TMEM268: variants seen among roughly 807,000 people sequenced by gnomAD.
TMEM268 encodes the protein transmembrane protein C9orf91.
TMEM268 carries 24 observed loss-of-function variants against 39.1 expected under a neutral mutation model. The observed-to-expected ratio is 0.61, with a 90% CI of 0.44 to 0.86. The LOEUF is 0.86. Ranked by LOEUF, TMEM268 falls within the 40% of genes least tolerant of loss-of-function variation. The pLI, the probability that TMEM268 is intolerant of heterozygous loss-of-function variation, is 0.00. For missense variants in TMEM268, 409 were observed against 428.6 expected (o/e 0.95, Z 0.40); for synonymous variants, 176 against 173.5 (o/e 1.01, Z -0.12).
At position 114,643,365 on chromosome 9, in the gene TMEM268, T is replaced by G. The variant is rs41278673; in HGVS notation, c.*52T>G. On this transcript the variant is annotated 3_prime_UTR_variant, in exon 9 of 9. Transcript: ENST00000288502. ...TTCAAGACTGAGCAGTCAGGAAGGC[T>G]TCAGGAGCCCAAGATGGCCAATGGG... 231,539 of 1,563,512 alleles carry G rather than the reference T, an allele frequency of 0.15. 18,556 individuals are homozygous for G. Among genetic ancestry groups the G allele is most frequent in the Middle Eastern group, 0.26 (1,529 of 5,912 alleles).
In TMEM268 at chr9:114,624,337, G is replaced by A. The variant is rs1234177771; in HGVS notation, c.107-13G>A. 1 of 1,587,026 alleles carries A rather than the reference G, an allele frequency of 6.3e-7. No individual in the cohort carries two copies. The highest frequency in any genetic ancestry group is 8.6e-7 in the Non-Finnish European group (1 of 1,164,964). The stretch of plus-strand genomic sequence containing the variant: ...TATCACTCAGCCAGATGAAGCTTCT[G>A]GTCTGCTTCCAGAGCTCCACAATGG... On this transcript the variant is annotated splice_polypyrimidine_tract_variant and intron_variant, in intron 2 of 8. Transcript: ENST00000288502.
At chr9:114,643,075 G>A in intron 8 of TMEM268, 59 bp from the exon 9 acceptor site, 1 of 1,567,228 alleles carries the variant, frequency 6.4e-7, no homozygotes, top group Non-Finnish European at 8.8e-7. Context: ...TGGTGCCTAA[G>A]CCCTTTTTCC....
At position 114,638,645 on chromosome 9, in the gene TMEM268, C is replaced by G; in HGVS notation, c.768C>G (p.Leu256=). 1 of 1,610,358 alleles carries G rather than the reference C, an allele frequency of 6.2e-7. No individual in the cohort carries two copies. The highest frequency in any genetic ancestry group is 1.3e-5 in the African/African-American group (1 of 74,818). The change falls in exon 8 of 9, where the codon CTC becomes CTG. Residue 256 remains leucine (L), a synonymous_variant. Coordinates refer to ENST00000288502, the MANE Select transcript of TMEM268 (RefSeq NM_153045.4). ...CTGAGAACTTGGAGGATGCTCCTCT[C>G]CTGCCCGGCAATTCTTGTCCTAACG... is the stretch of plus-strand genomic sequence containing the variant. ...EGPENLEDAP[L]LPGNSCPNER... is the part of the protein sequence containing the mutation.
chr9:114,628,084 T>C lies in TMEM268; in HGVS notation c.325-17T>C, dbSNP rs1489249369. 3 of 1,611,124 alleles carry C rather than the reference T, an allele frequency of 1.9e-6. No individual in the cohort carries two copies. Among genetic ancestry groups the C allele is most frequent in the Non-Finnish European group, 2.5e-6 (3 of 1,177,320 alleles). Reference sequence around the variant, plus strand: ...GACTGAAGTTCCTGACCATGCTCTCTGTCTGGCATCTTGCAGGTTTTCTAT... The same window carrying C: ...GACTGAAGTTCCTGACCATGCTCTCCGTCTGGCATCTTGCAGGTTTTCTAT... On this transcript the variant is annotated splice_polypyrimidine_tract_variant and intron_variant, in intron 4 of 8. Coordinates refer to ENST00000288502, the MANE Select transcript of TMEM268 (RefSeq NM_153045.4).
upstream of TMEM268, among the ~76,000 whole-genome samples, chr9:114,609,746 AG>A (rs1564279463): frequency 2.2e-5 from 1 of 45,132 alleles, no homozygotes; most frequent in African/African-American, 9.7e-5. Context: ...AAGGAAGGAA[AG>A]AAAGAAAGAA....
intron 2 of TMEM268, among the ~76,000 whole-genome samples, chr9:114,619,271 CT>C (rs1010480029): frequency 6.8e-6 from 1 of 146,648 alleles, no homozygotes; most frequent in African/African-American, 2.6e-5. Context: ...CTGCTTCCCC[CT>C]CTGCGCGTGC....
intron 5 of TMEM268, 129 bp from the exon 6 acceptor site, chr9:114,633,639 G>A (rs1201945530): frequency 2.1e-6 from 1 of 479,694 alleles, no homozygotes; most frequent in Non-Finnish European, 3.7e-6. Context: ...GGGAGGAAAT[G>A]GGACAGTCCT....
chr9:114,612,695 C>T (rs927625618), intron 1 of TMEM268, among the ~76,000 whole-genome samples: 1 of 152,182 alleles, frequency 6.6e-6, no homozygotes, highest in African/African-American at 2.4e-5. Flanking sequence ...TCCACCTTTG[C>T]CAAGCCCAGG....
Position 114,645,430 on chromosome 9 carries a change from C to G in TMEM268, c.*2117C>G, listed in dbSNP as rs906920312. The G allele has an allele frequency of 1.3e-5, 2 of 152,376 alleles. No homozygotes were observed. Among genetic ancestry groups the G allele is most frequent in the Non-Finnish European group, 2.9e-5 (2 of 68,058 alleles). 9.4% of individuals were successfully genotyped at this position (152,376 alleles called of 1,614,324 possible). A position where few individuals can be genotyped will look rare whatever the true frequency, so the allele number is the denominator to read the frequency against. ...GTGGCTTGCCATTCAAGAGATGAGTCTGACCATTCACTTTCTGTGTGCCAG... is the reference window on the plus strand; with the variant it reads ...GTGGCTTGCCATTCAAGAGATGAGTGTGACCATTCACTTTCTGTGTGCCAG... On this transcript the variant is annotated 3_prime_UTR_variant, in exon 9 of 9. Coordinates refer to ENST00000288502, the MANE Select transcript of TMEM268 (RefSeq NM_153045.4).
At chr9:114,605,830 C>T in the TMEM268 span, among the ~76,000 whole-genome samples, 5 of 152,002 alleles carry the variant, frequency 3.3e-5, no homozygotes, top group South Asian at 8.3e-4. Context: ...CTTGTGGGGG[C>T]TAAAGCAGGA....
intron 2 of TMEM268, among the ~76,000 whole-genome samples, chr9:114,620,917 C>T (rs548781988): frequency 4.7e-4 from 57 of 122,420 alleles, no homozygotes; most frequent in African/African-American, 1.7e-3. Context: ...CCTTGTCCCC[C>T]ACCACTTCCA....
At chr9:114,616,617 C>G (rs574529222) in intron 1 of TMEM268, among the ~76,000 whole-genome samples, 15 of 151,504 alleles carry the variant, frequency 9.9e-5, no homozygotes, top group Non-Finnish European at 1.8e-4. Context: ...CCACCCACCT[C>G]AGCCTCCCAA....
chr9:114,606,188 T>C, the TMEM268 span, among the ~76,000 whole-genome samples: 806 of 152,284 alleles, frequency 5.3e-3, 11 homozygotes, highest in African/African-American at 0.017. Context: ...CTCTTCTGAC[T>C]CTTCTGACCC....
In TMEM268 at chr9:114,643,076, C is replaced by A. The variant is rs575309633; in HGVS notation, c.850-58C>A. The stretch of plus-strand genomic sequence containing the variant: ...GCATGTCCTTCCCCTGGTGCCTAAG[C>A]CCTTTTTCCTCAAGGGGCTCCCCTG... On this transcript the variant is annotated intron_variant, in intron 8 of 8. Transcript: ENST00000288502. 4.6e-4 allele frequency: 716 copies of A among 1,570,524 alleles called. 4 individuals are homozygous for A. Among genetic ancestry groups the A allele is most frequent in the Non-Finnish European group, 6.6e-5 (75 of 1,144,322 alleles).
chr9:114,627,978 G>A (rs1339838432), intron 4 of TMEM268, 123 bp from the exon 5 acceptor site: 1 of 996,230 alleles, frequency 1.0e-6, no homozygotes, highest in East Asian at 2.4e-5. Context: ...TCTCTTACTG[G>A]TGCTGTGAGC....
intron 8 of TMEM268, among the ~76,000 whole-genome samples, chr9:114,641,754 A>G (rs1034786737): frequency 2.6e-5 from 4 of 152,020 alleles, no homozygotes; most frequent in Non-Finnish European, 2.9e-5. Flanking sequence ...TCCTGCCTCA[A>G]CCTCCCAAAT....
intron 5 of TMEM268, among the ~76,000 whole-genome samples, chr9:114,630,550 C>G (rs1263016233): frequency 6.6e-6 from 1 of 152,184 alleles, no homozygotes; most frequent in Non-Finnish European, 1.5e-5. Flanking sequence ...CAGGATACCG[C>G]CGCCATTTGC....
At chr9:114,606,837 T>C (rs1035932797), upstream of TMEM268, among the ~76,000 whole-genome samples, 2 of 149,112 alleles carry the variant, frequency 1.3e-5, no homozygotes, top group African/African-American at 5.0e-5. Context: ...AGTGAATCTA[T>C]AACTGGCACA....
At chr9:114,607,136 G>T (rs1845376000), upstream of TMEM268, among the ~76,000 whole-genome samples, 1 of 152,150 alleles carries the variant, frequency 6.6e-6, no homozygotes, top group Admixed American at 6.5e-5. Flanking sequence ...GGGGTTTGTG[G>T]TTATTTGGAT....
Sources: allele counts gnomAD v4.1 joint callset (sites outside exome capture counted in the v4.1 genomes callset), GRCh38; gene constraint gnomAD v4.1.1; transcripts MANE v1.5; gene names NCBI Gene and HGNC (gene_info 2026-07-23, HGNC 2026-07-21).